Variants in PLPP1 observed in about 807,000 individuals in gnomAD.
PLPP1 encodes the protein lipid phosphate phosphohydrolase 1a.
In PLPP1, 24 loss-of-function variants were observed where a neutral mutation model predicts 31.2. That is an observed-to-expected ratio of 0.77 (90% CI 0.56 to 1.08). PLPP1 has a LOEUF of 1.08. PLPP1 is among the 50% of genes least tolerant of loss of function. The probability of loss-of-function intolerance (pLI) is 0.00; values close to 1 mark genes in which losing one functional copy is unlikely to be tolerated. For synonymous variants in PLPP1, 146 were observed against 126.3 expected, an observed-to-expected ratio of 1.16 and a Z score of -1.05; for missense variants, 319 against 342.7, an observed-to-expected ratio of 0.93 and a Z score of 0.55.
intron 1 of PLPP1, among the ~76,000 whole-genome samples, 170 bp from the exon 2 acceptor site, chr5:55,475,620 TAC>T (rs1463407768): frequency 1.3e-5 from 2 of 152,222 alleles, no homozygotes; most frequent in African/African-American, 4.8e-5. Flanking sequence ...TTAGAAAGAT[TAC>T]AGTTTTAAGA....
At chr5:55,532,762 G>C (rs1740715596) in intron 1 of PLPP1, among the ~76,000 whole-genome samples, 2 of 152,102 alleles carry the variant, frequency 1.3e-5, no homozygotes, top group Admixed American at 1.3e-4. Context: ...TTCAAGGCCA[G>C]CCTGGCCAAG....
At chr5:55,501,734 C>T in intron 1 of PLPP1, among the ~76,000 whole-genome samples, 1 of 152,198 alleles carries the variant, frequency 6.6e-6, no homozygotes, top group Admixed American at 6.5e-5. Context: ...GAACTCCTGA[C>T]CTCAGGTGAT....
At chr5:55,506,993 GCTTT>G in intron 1 of PLPP1, among the ~76,000 whole-genome samples, 1 of 152,234 alleles carries the variant, frequency 6.6e-6, no homozygotes, top group African/African-American at 2.4e-5. Flanking sequence ...TATATTTCTT[GCTTT>G]CTTTGGAAAC....
chr5:55,469,433 T>C (rs1236660208), intron 2 of PLPP1, among the ~76,000 whole-genome samples: 1 of 150,660 alleles, frequency 6.6e-6, no homozygotes, highest in Non-Finnish European at 1.5e-5. Context: ...GTGGTTGCAG[T>C]GAGCCGAGAT....
chr5:55,447,738 G>A (rs1369531097), intron 3 of PLPP1, among the ~76,000 whole-genome samples: 1 of 152,166 alleles, frequency 6.6e-6, no homozygotes, highest in Non-Finnish European at 1.5e-5. Flanking sequence ...GGCAAAATGT[G>A]TAAAGTAAAT....
chr5:55,464,184 G>GA, intron 3 of PLPP1, among the ~76,000 whole-genome samples: 1 of 145,038 alleles, frequency 6.9e-6, no homozygotes, highest in East Asian at 2.0e-4. Flanking sequence ...ATTTGTTCAA[G>GA]AAAAAATAAA....
chr5:55,475,147 C>T (rs1045969163), intron 2 of PLPP1, 152 bp downstream of exon 2: 4 of 737,908 alleles, frequency 5.4e-6, no homozygotes, highest in Middle Eastern at 4.1e-4. Flanking sequence ...CTTAAAATAG[C>T]TGAGATTCTC....
intron 3 of PLPP1, among the ~76,000 whole-genome samples, chr5:55,465,288 G>A (rs1362039687): frequency 2.0e-5 from 3 of 152,026 alleles, no homozygotes; most frequent in African/African-American, 7.2e-5. Flanking sequence ...CGAGTGATCT[G>A]CCTGCCTCTG....
intron 3 of PLPP1, among the ~76,000 whole-genome samples, chr5:55,465,783 C>T (rs1752276149): frequency 6.6e-6 from 1 of 152,122 alleles, no homozygotes; most frequent in Non-Finnish European, 1.5e-5. Context: ...TTGTTCATCC[C>T]CTCTGTTCCT....
chr5:55,504,788 T>C (rs1042224159), intron 1 of PLPP1, among the ~76,000 whole-genome samples: 1 of 151,682 alleles, frequency 6.6e-6, no homozygotes, highest in African/African-American at 2.4e-5. Flanking sequence ...CCACTTTTGA[T>C]ATTTCCACTT....
chr5:55,471,738 T>C (rs189999948), intron 2 of PLPP1, among the ~76,000 whole-genome samples: 53 of 152,288 alleles, frequency 3.5e-4, no homozygotes, highest in Admixed American at 3.1e-3. Flanking sequence ...TGATTTACTT[T>C]CTAGTAAATA....
intron 1 of PLPP1, among the ~76,000 whole-genome samples, chr5:55,533,723 G>C (rs1261270635): frequency 6.6e-6 from 1 of 152,184 alleles, no homozygotes; most frequent in African/African-American, 2.4e-5. Flanking sequence ...TATATAAATA[G>C]TTCACAGCAT....
At chr5:55,460,887 T>G (rs1752140134) in intron 3 of PLPP1, among the ~76,000 whole-genome samples, 1 of 152,036 alleles carries the variant, frequency 6.6e-6, no homozygotes, top group Non-Finnish European at 1.5e-5. Flanking sequence ...AAATATTTTT[T>G]AAAACATTAA....
chr5:55,490,827 A>C, intron 1 of PLPP1: 1 of 1,014,108 alleles, frequency 9.9e-7, no homozygotes, highest in Non-Finnish European at 1.4e-6. Context: ...CAGTGGGTAT[A>C]TTCCTCAAGC....
intron 1 of PLPP1, among the ~76,000 whole-genome samples, chr5:55,513,465 T>C (rs1208417998): frequency 6.6e-6 from 1 of 151,886 alleles, no homozygotes; most frequent in Non-Finnish European, 1.5e-5. Context: ...AGAGACAGGG[T>C]TTCACCATGT....
At chr5:55,464,444 C>T (rs1271109456) in intron 3 of PLPP1, among the ~76,000 whole-genome samples, 1 of 152,058 alleles carries the variant, frequency 6.6e-6, no homozygotes, top group Non-Finnish European at 1.5e-5. Context: ...CTACGTTGGC[C>T]AGGCTGGTCT....
intron 1 of PLPP1, chr5:55,530,093 C>T (rs1740609467): frequency 1.2e-6 from 1 of 825,038 alleles, no homozygotes; most frequent in Non-Finnish European, 2.1e-6. Flanking sequence ...ACGGTGACTT[C>T]ATGTAGTTTC....
chr5:55,438,555 GAAAC>G (rs755817401), intron 4 of PLPP1, among the ~76,000 whole-genome samples: 12 of 152,076 alleles, frequency 7.9e-5, no homozygotes, highest in Non-Finnish European at 1.3e-4. Context: ...GGTGCCCAGA[GAAAC>G]AAGATGAGTC....
chr5:55,479,376 A>T (rs10940467), intron 1 of PLPP1, among the ~76,000 whole-genome samples: 1 of 152,228 alleles, frequency 6.6e-6, no homozygotes, highest in Non-Finnish European at 1.5e-5. Flanking sequence ...ATTTTCACTA[A>T]CTATCTAAAC....
Sources: allele counts gnomAD v4.1 joint callset (sites outside exome capture counted in the v4.1 genomes callset), GRCh38; gene constraint gnomAD v4.1.1; transcripts MANE v1.5; gene names NCBI Gene and HGNC (gene_info 2026-07-23, HGNC 2026-07-21).